Variants in TRAF5 observed in about 807,000 individuals in gnomAD.
The protein encoded by TRAF5 is TNF receptor-associated factor 5.
TRAF5 carries 48 observed loss-of-function variants against 64.5 expected under a neutral mutation model. That is an observed-to-expected ratio of 0.74 (90% CI 0.59 to 0.95). The LOEUF (loss-of-function observed/expected upper bound fraction) is 0.95. TRAF5 is among the 40% of genes least tolerant of loss of function. The pLI is 0.00. For missense variants in TRAF5, 545 were observed against 662.8 expected (o/e 0.82, Z 1.95); for synonymous variants, 206 against 240.5 (o/e 0.86, Z 1.33).
At chr1:211,362,418 G>A (rs923971176) in intron 7 of TRAF5, among the ~76,000 whole-genome samples, 2 of 152,106 alleles carry the variant, frequency 1.3e-5, no homozygotes, top group Admixed American at 6.6e-5. Flanking sequence ...GATGGCTTAT[G>A]CCTGTAATCC....
chr1:211,345,334 GC>G (rs1404622209), intron 1 of TRAF5, among the ~76,000 whole-genome samples: 2 of 152,038 alleles, frequency 1.3e-5, no homozygotes, highest in African/African-American at 4.8e-5. Context: ...GGGATTACAG[GC>G]TTGAGCCACT....
chr1:211,333,620 C>A (rs1177177870), intron 1 of TRAF5, among the ~76,000 whole-genome samples: 1 of 152,142 alleles, frequency 6.6e-6, no homozygotes, highest in Non-Finnish European at 1.5e-5. Flanking sequence ...ACCTCAGCCC[C>A]CCGAGTAGCT....
rs1227938144 is a variant in TRAF5, at chr1:211,373,741, A to T, written c.*1039A>T. 1 of 152,118 alleles carries T rather than the reference A, an allele frequency of 6.6e-6. No individual in the cohort carries two copies. The highest frequency in any genetic ancestry group is 1.5e-5 in the Non-Finnish European group (1 of 68,014). 9.4% of individuals were successfully genotyped at this position (152,118 alleles called of 1,614,324 possible). A position where few individuals can be genotyped will look rare whatever the true frequency, so the allele number is the denominator to read the frequency against. The stretch of plus-strand genomic sequence containing the variant: ...AAAACAGTATCTACTATTCTCTGAT[A>T]ACTTTTTTTTTGAGACAGAGTTTCA... On this transcript the variant is annotated 3_prime_UTR_variant, in exon 11 of 11. Transcript: ENST00000261464.
At chr1:211,335,961 C>G (rs1254077202) in intron 1 of TRAF5, among the ~76,000 whole-genome samples, 1 of 151,970 alleles carries the variant, frequency 6.6e-6, no homozygotes, top group Non-Finnish European at 1.5e-5. Context: ...TAGAGGTGGT[C>G]TGGTCTGATG....
rs775050867 is a variant in TRAF5, at chr1:211,359,930, T to C, written c.397T>C (p.Leu133=). 1.9e-6 allele frequency: 3 copies of C among 1,614,054 alleles called. No homozygotes were observed. Among genetic ancestry groups the C allele is most frequent in the Admixed American group, 1.7e-5 (1 of 60,026 alleles). The change falls in exon 5 of 11, where the codon TTA becomes CTA. Residue 133 remains leucine, a synonymous_variant. Coordinates refer to ENST00000261464, the MANE Select transcript of TRAF5 (RefSeq NM_001033910.3). The part of the protein sequence containing the change: ...GRYQDHLQQC[L]FQPVQCSNEK... ...GTTGCAGGATCACCTTCAGCAGTGC[T>C]TATTTCAACCTGTGCAGTGTTCTAA...
chr1:211,369,388 AT>A, intron 8 of TRAF5, 63 bp from the exon 9 acceptor site: 2 of 1,370,336 alleles, frequency 1.5e-6, no homozygotes, highest in Non-Finnish European at 1.9e-6. Context: ...GTGCATGCAT[AT>A]TTTAACTATA....
intron 1 of TRAF5, among the ~76,000 whole-genome samples, chr1:211,328,128 C>G (rs1335080856): frequency 6.6e-6 from 1 of 152,156 alleles, no homozygotes; most frequent in East Asian, 1.9e-4. Context: ...CTCTCAAATC[C>G]CAGTGCAGCT....
rs1006642840 is a variant in TRAF5 at position 211,374,128 on chromosome 1, C to G, written c.*1426C>G. ...AGAATTCTGAGTACTCTGTGAAGAA[C>G]AGAAATGATCATATTCTTATGCATC... On this transcript the variant is annotated 3_prime_UTR_variant, in exon 11 of 11. Coordinates refer to ENST00000261464, the MANE Select transcript of TRAF5 (RefSeq NM_001033910.3). The G allele has an allele frequency of 6.6e-6, 1 of 152,164 alleles. No individual in the cohort carries two copies. The highest frequency in any genetic ancestry group is 1.5e-5 in the Non-Finnish European group (1 of 68,028). The allele number at this position is 152,164 out of a possible 1,614,324, so 9.4% of individuals were successfully genotyped here.
In TRAF5 at chr1:211,361,089, T is replaced by C. The variant is rs781363454; in HGVS notation, c.623T>C (p.Val208Ala). ...AGCTTGTGACTATCCATTTCGTAGG[T>C]AGATGAACACCTGGCTGTATGTCCT... Reference protein sequence around the residue: ...NCAKIILKTEVDEHLAVCPEA... With the variant: ...NCAKIILKTEADEHLAVCPEA... Residue 208 changes from valine (V) to alanine (A), a missense_variant and splice_region_variant, in exon 7 of 11, where the codon GTA (valine) becomes GCA (alanine). Coordinates refer to ENST00000261464, the MANE Select transcript of TRAF5 (RefSeq NM_001033910.3). The C allele has an allele frequency of 1.2e-6, 2 of 1,614,062 alleles. No homozygotes were observed. Among genetic ancestry groups the C allele is most frequent in the Non-Finnish European group, 1.7e-6 (2 of 1,179,944 alleles).
intron 3 of TRAF5, among the ~76,000 whole-genome samples, chr1:211,354,983 A>G (rs1702913927): frequency 6.6e-6 from 1 of 152,050 alleles, no homozygotes; most frequent in South Asian, 2.1e-4. Context: ...GACCAGCTTG[A>G]CCAACATGGC....
intron 5 of TRAF5, 22 bp from the exon 6 acceptor site, chr1:211,360,680 T>C (rs770238872): frequency 6.3e-7 from 1 of 1,597,360 alleles, no homozygotes; most frequent in Non-Finnish European, 8.6e-7. Flanking sequence ...CCCTTTGTTT[T>C]ATTGCACTTT....
rs538523790 is a variant in TRAF5, at chr1:211,340,409, C to T, written c.-1-12830C>T. On this transcript the variant is annotated intron_variant, in intron 1 of 10. Transcript: ENST00000261464. ...AAGTGATTCTCCTGCCTCAGCCTCC[C>T]GAGTAGCTGGGATTACAGGTGTGCA... Among the ~76,000 whole-genome samples the T allele has an allele frequency of 1.2e-4, 18 of 152,266 alleles. 1 individual carries two copies. The South Asian group carries it at 3.5e-3, about 30-fold the overall frequency.
intron 1 of TRAF5, among the ~76,000 whole-genome samples, chr1:211,337,593 G>A (rs891421661): frequency 1.3e-5 from 2 of 152,208 alleles, no homozygotes; most frequent in African/African-American, 4.8e-5. Context: ...AAGGAGCAAG[G>A]CAGAGCAAGA....
chr1:211,360,435 G>A (rs1215827928), intron 5 of TRAF5: 12 of 507,012 alleles, frequency 2.4e-5, no homozygotes, highest in South Asian at 1.1e-4. Context: ...TACATGTCCC[G>A]AAGGAGCTAT....
chr1:211,341,761 T>C (rs2102723770), intron 1 of TRAF5, among the ~76,000 whole-genome samples: 1 of 152,346 alleles, frequency 6.6e-6, no homozygotes, highest in South Asian at 2.1e-4. Context: ...ATGTGCTGCA[T>C]TTTTGTTTCC....
intron 1 of TRAF5, among the ~76,000 whole-genome samples, chr1:211,341,397 C>CT (rs2102723172): frequency 1.3e-5 from 2 of 152,314 alleles, no homozygotes; most frequent in Non-Finnish European, 2.9e-5. Flanking sequence ...TTAGGAGAGA[C>CT]TAGTCAGCAA....
At chr1:211,353,526 A>C in intron 2 of TRAF5, 69 bp downstream of exon 2, 1 of 1,471,298 alleles carries the variant, frequency 6.8e-7, no homozygotes, top group Non-Finnish European at 9.3e-7. Context: ...GTGGCCACTC[A>C]ACTGTTTTCA....
intron 1 of TRAF5, among the ~76,000 whole-genome samples, chr1:211,349,034 T>TAAAAAAAAAAAA (rs373131975): frequency 1.2e-5 from 1 of 84,676 alleles, no homozygotes; most frequent in African/African-American, 4.9e-5. Flanking sequence ...ACTCTGTCTC[T>TAAAAAAAAAAAA]AAAAAAAAAA....
intron 1 of TRAF5, among the ~76,000 whole-genome samples, chr1:211,346,646 G>A (rs187765458): frequency 7.2e-5 from 11 of 152,304 alleles, no homozygotes; most frequent in African/African-American, 2.4e-4. Context: ...TATGGAGGTG[G>A]TATGGATAGA....
Sources: allele counts gnomAD v4.1 joint callset (sites outside exome capture counted in the v4.1 genomes callset), GRCh38; gene constraint gnomAD v4.1.1; transcripts MANE v1.5; gene names NCBI Gene and HGNC (gene_info 2026-07-23, HGNC 2026-07-21).